Variants in RORA observed in about 807,000 individuals in gnomAD.
The protein encoded by RORA is nuclear receptor ROR-alpha.
RORA carries 7 observed loss-of-function variants against 69.5 expected under a neutral mutation model. The observed-to-expected ratio is 0.10, with a 90% CI of 0.06 to 0.19. The LOEUF (loss-of-function observed/expected upper bound fraction) is 0.19. Among genes scored for constraint, RORA ranks in the 10% least tolerant of loss-of-function variants. The pLI is 1.00. For missense variants in RORA, 457 were observed against 663.0 expected (o/e 0.69, Z 3.41); for synonymous variants, 261 against 240.8 (o/e 1.08, Z -0.78).
At chr15:60,884,488 G>A (rs2073729548) in intron 1 of RORA, among the ~76,000 whole-genome samples, 1 of 152,028 alleles carries the variant, frequency 6.6e-6, no homozygotes, top group African/African-American at 2.4e-5. Context: ...ATCTGGGTGA[G>A]GTGACTGAAG....
intron 1 of RORA, among the ~76,000 whole-genome samples, chr15:61,125,915 G>A (rs1404329799): frequency 6.6e-6 from 1 of 152,228 alleles, no homozygotes; most frequent in African/African-American, 2.4e-5. Flanking sequence ...CACAGGAATG[G>A]TGGCATAGGA....
At chr15:60,535,736 T>C (rs1157689178) in intron 2 of RORA, among the ~76,000 whole-genome samples, 1 of 152,172 alleles carries the variant, frequency 6.6e-6, no homozygotes, top group Non-Finnish European at 1.5e-5. Context: ...CAGTACTTCA[T>C]TCTGTGGGTG....
At chr15:60,585,062 C>T (rs1260268781) in intron 2 of RORA, among the ~76,000 whole-genome samples, 1 of 151,974 alleles carries the variant, frequency 6.6e-6, no homozygotes, top group African/African-American at 2.4e-5. Flanking sequence ...ATTATTATTA[C>T]CCTGGTTATT....
At chr15:60,877,002 G>A (rs971485778) in intron 1 of RORA, among the ~76,000 whole-genome samples, 3 of 152,066 alleles carry the variant, frequency 2.0e-5, no homozygotes. Flanking sequence ...TAACTAATGG[G>A]TACTGGGCTT....
chr15:60,516,147 TTATATATATATA>T (rs1378066948), intron 3 of RORA, among the ~76,000 whole-genome samples: 1 of 57,784 alleles, frequency 1.7e-5, no homozygotes, highest in African/African-American at 7.3e-5. Flanking sequence ...TTATATATAT[TTATATATATATA>T]TTTATATATA....
At chr15:61,170,347 A>C (rs1400873091) in intron 1 of RORA, among the ~76,000 whole-genome samples, 2 of 152,292 alleles carry the variant, frequency 1.3e-5, no homozygotes, top group African/African-American at 4.8e-5. Context: ...TCCACTTTCA[A>C]AGCCAGCAGT....
chr15:60,616,621 T>C (rs771917389), intron 2 of RORA, among the ~76,000 whole-genome samples: 4 of 152,336 alleles, frequency 2.6e-5, no homozygotes, highest in East Asian at 1.9e-4. Flanking sequence ...ATTCTGATCT[T>C]GGAACAGAAA....
chr15:60,779,110 T>C (rs563104459), intron 1 of RORA, among the ~76,000 whole-genome samples: 1 of 152,300 alleles, frequency 6.6e-6, no homozygotes, highest in East Asian at 1.9e-4. Flanking sequence ...AATAACTCGT[T>C]TCAAGCCTAA....
At chr15:60,886,458 C>T (rs1326645087) in intron 1 of RORA, among the ~76,000 whole-genome samples, 3 of 152,190 alleles carry the variant, frequency 2.0e-5, no homozygotes, top group Non-Finnish European at 4.4e-5. Context: ...AAATATCCCA[C>T]ATGAAAGGCC....
intron 1 of RORA, among the ~76,000 whole-genome samples, chr15:60,906,682 G>C (rs1487640166): frequency 3.9e-5 from 6 of 152,166 alleles, no homozygotes; most frequent in Non-Finnish European, 8.8e-5. Context: ...CTAGTACCCA[G>C]CCCTGGCCAA....
intron 1 of RORA, among the ~76,000 whole-genome samples, chr15:60,898,508 T>TAAAG (rs2140464791): frequency 7.5e-6 from 1 of 132,692 alleles, no homozygotes; most frequent in African/African-American, 3.0e-5. Context: ...TAAAAATAAA[T>TAAAG]AAATAAATAA....
At chr15:61,005,395 G>T (rs1894878679) in intron 1 of RORA, among the ~76,000 whole-genome samples, 1 of 152,190 alleles carries the variant, frequency 6.6e-6, no homozygotes, top group Non-Finnish European at 1.5e-5. Context: ...CAGGAGAATT[G>T]CTTGAACCTG....
At chr15:60,661,671 C>T (rs2070306862) in intron 2 of RORA, among the ~76,000 whole-genome samples, 1 of 152,192 alleles carries the variant, frequency 6.6e-6, no homozygotes, top group African/African-American at 2.4e-5. Flanking sequence ...TTTTCCAAGG[C>T]AGAGGCACGG....
At chr15:60,826,766 C>CCCTCT (rs2072966617) in intron 1 of RORA, among the ~76,000 whole-genome samples, 1 of 126,090 alleles carries the variant, frequency 7.9e-6, no homozygotes, top group African/African-American at 3.7e-5. Context: ...TCTCTCTCTC[C>CCCTCT]CTCTCTCTCT....
chr15:60,564,546 C>G (rs2067662199), intron 2 of RORA, among the ~76,000 whole-genome samples: 1 of 152,068 alleles, frequency 6.6e-6, no homozygotes. Flanking sequence ...CTGAGGGTGA[C>G]AAAAGACTAT....
chr15:60,525,825 A>G (rs550862293), intron 3 of RORA, among the ~76,000 whole-genome samples: 9 of 152,224 alleles, frequency 5.9e-5, no homozygotes, highest in South Asian at 4.2e-4. Flanking sequence ...TTGCAATTTT[A>G]TTTATCTTGG....
intron 3 of RORA, among the ~76,000 whole-genome samples, chr15:60,523,468 T>A (rs962533665): frequency 1.3e-5 from 2 of 152,226 alleles, no homozygotes; most frequent in Non-Finnish European, 2.9e-5. Flanking sequence ...ATGAGATAGA[T>A]ACCAAAGTTA....
intron 1 of RORA, among the ~76,000 whole-genome samples, chr15:60,825,868 T>C (rs2072948999): frequency 6.6e-6 from 1 of 152,244 alleles, no homozygotes; most frequent in African/African-American, 2.4e-5. Flanking sequence ...CAGAATAACA[T>C]GAAGAGTATC....
At chr15:60,744,955 G>C (rs1229771895) in intron 1 of RORA, among the ~76,000 whole-genome samples, 1 of 152,048 alleles carries the variant, frequency 6.6e-6, no homozygotes, top group Non-Finnish European at 1.5e-5. Context: ...AGGGCATGAT[G>C]GGCCCAGGCC....
Sources: gnomAD v4.1 joint callset for allele counts (sites outside exome capture counted in the v4.1 genomes callset) on GRCh38, gnomAD v4.1.1 for gene constraint, MANE v1.5 for transcripts, NCBI Gene and HGNC (gene_info 2026-07-23, HGNC 2026-07-21) for gene names.